The following TENM3 variants were observed in gnomAD, a reference collection of about 807,000 sequenced individuals.
TENM3 encodes the protein teneurin-3.
Under a neutral mutation model 255.1 loss-of-function variants are expected in TENM3, and 63 were observed. The observed-to-expected ratio is 0.25, with a 90% CI of 0.20 to 0.30. The LOEUF is 0.30. Among genes scored for constraint, TENM3 ranks in the 10% least tolerant of loss-of-function variants. The pLI is 1.00. For missense variants in TENM3, 2,929 were observed against 3,461.1 expected (o/e 0.85, Z 3.86); for synonymous variants, 1,306 against 1,322.3 (o/e 0.99, Z 0.27).
chr4:182,229,411 G>A (rs1462681802), intron 1 of TENM3, among the ~76,000 whole-genome samples: 1 of 152,094 alleles, frequency 6.6e-6, no homozygotes, highest in South Asian at 2.1e-4. Flanking sequence ...CTGTGGTCCC[G>A]AGTGGGGAAA....
chr4:181,487,843 G>A, the TENM3 span, among the ~76,000 whole-genome samples: 5 of 152,064 alleles, frequency 3.3e-5, no homozygotes, highest in African/African-American at 7.2e-5. Flanking sequence ...GAAGTATGGC[G>A]TCCAGGCTTC....
the TENM3 span, among the ~76,000 whole-genome samples, chr4:181,609,417 GCA>G: frequency 0.021 from 3,222 of 152,156 alleles, 38 homozygotes; most frequent in East Asian, 0.035. Flanking sequence ...AGAATATATT[GCA>G]GTTTTTTGCA....
At chr4:182,539,614 C>T (rs1035953066) in intron 3 of TENM3, among the ~76,000 whole-genome samples, 1 of 152,134 alleles carries the variant, frequency 6.6e-6, no homozygotes, top group East Asian at 1.9e-4. Flanking sequence ...CATCAACAAA[C>T]CATAAGGATC....
the TENM3 span, among the ~76,000 whole-genome samples, chr4:181,791,705 T>G: frequency 3.3e-5 from 5 of 152,176 alleles, no homozygotes; most frequent in Non-Finnish European, 7.4e-5. Flanking sequence ...TTTTACTAAT[T>G]AAGTCCTAAA....
intron 6 of TENM3, among the ~76,000 whole-genome samples, chr4:182,660,072 A>G (rs1754097968): frequency 1.4e-5 from 2 of 147,304 alleles, no homozygotes; most frequent in African/African-American, 4.9e-5. Context: ...GCAAATATAC[A>G]AAGGTGTAAA....
the TENM3 span, among the ~76,000 whole-genome samples, chr4:182,135,196 C>G: frequency 9.8e-6 from 1 of 101,802 alleles, no homozygotes; most frequent in African/African-American, 4.1e-5. Flanking sequence ...CAGGGTGAGA[C>G]TCGGTCTCAA....
At chr4:181,770,674 C>CAAAAAAA in the TENM3 span, among the ~76,000 whole-genome samples, 1 of 76,620 alleles carries the variant, frequency 1.3e-5, no homozygotes, top group Non-Finnish European at 2.4e-5. Context: ...GACTCTGTCT[C>CAAAAAAA]AAAAAAAAAA....
At chr4:181,726,055 T>C in the TENM3 span, among the ~76,000 whole-genome samples, 3 of 151,976 alleles carry the variant, frequency 2.0e-5, no homozygotes, top group African/African-American at 7.3e-5. Context: ...GAGAGAGAAT[T>C]TGATTTTTTT....
intron 5 of TENM3, among the ~76,000 whole-genome samples, chr4:182,646,458 C>T (rs900085347): frequency 2.6e-5 from 4 of 152,038 alleles, no homozygotes; most frequent in African/African-American, 4.8e-5. Flanking sequence ...TTAAGAGATA[C>T]CAGCTGGGGA....
chr4:181,793,363 C>CT, the TENM3 span, among the ~76,000 whole-genome samples: 4 of 152,318 alleles, frequency 2.6e-5, no homozygotes, highest in African/African-American at 9.6e-5. Flanking sequence ...CACAAACTCG[C>CT]TGAGCCCACA....
the TENM3 span, among the ~76,000 whole-genome samples, chr4:181,495,913 A>AAAAAAAAAAAAAAAAAAAAC: frequency 6.6e-6 from 1 of 151,152 alleles, no homozygotes. Flanking sequence ...AAAAAAAAAA[A>AAAAAAAAAAAAAAAAAAAAC]AAAAAAAAAG....
chr4:182,479,944 G>A (rs1420057696), intron 3 of TENM3, among the ~76,000 whole-genome samples: 3 of 151,870 alleles, frequency 2.0e-5, no homozygotes, highest in Non-Finnish European at 1.5e-5. Flanking sequence ...TTGCCTGCAC[G>A]TTTAGAAAAT....
chr4:181,757,165 T>C, the TENM3 span, among the ~76,000 whole-genome samples: 1 of 152,210 alleles, frequency 6.6e-6, no homozygotes. Flanking sequence ...AAAATTACTT[T>C]ACACCCATGT....
chr4:182,537,684 AG>A (rs1740475389), intron 3 of TENM3, among the ~76,000 whole-genome samples: 1 of 152,166 alleles, frequency 6.6e-6, no homozygotes, highest in African/African-American at 2.4e-5. Context: ...CATTGCCTCT[AG>A]TAATTCTACA....
At chr4:182,665,006 A>C (rs2152537432) in intron 6 of TENM3, among the ~76,000 whole-genome samples, 1 of 152,342 alleles carries the variant, frequency 6.6e-6, no homozygotes, top group South Asian at 2.1e-4. Context: ...ATCACTGATG[A>C]ATGTAGCTAC....
At chr4:182,309,337 T>C (rs998325973) in intron 1 of TENM3, among the ~76,000 whole-genome samples, 5 of 152,194 alleles carry the variant, frequency 3.3e-5, no homozygotes, top group African/African-American at 1.2e-4. Context: ...TGGTGGGCAG[T>C]AGACAGTGTA....
the TENM3 span, among the ~76,000 whole-genome samples, chr4:182,092,467 A>G: frequency 2.0e-5 from 3 of 152,088 alleles, no homozygotes. Flanking sequence ...GAGCAACATA[A>G]CAAGACCCCA....
the TENM3 span, among the ~76,000 whole-genome samples, chr4:182,016,246 G>A: frequency 6.6e-6 from 1 of 152,090 alleles, no homozygotes; most frequent in Admixed American, 6.5e-5. Flanking sequence ...TCAAAATGTT[G>A]GTGCTACCGT....
intron 4 of TENM3, among the ~76,000 whole-genome samples, chr4:182,619,781 C>T (rs2152449539): frequency 6.6e-6 from 1 of 152,310 alleles, no homozygotes; most frequent in East Asian, 1.9e-4. Context: ...AGTCTCTCTT[C>T]AAGTGTGTCT....
Sources: allele counts gnomAD v4.1 joint callset (sites outside exome capture counted in the v4.1 genomes callset), GRCh38; gene constraint gnomAD v4.1.1; transcripts MANE v1.5; gene names NCBI Gene and HGNC (gene_info 2026-07-23, HGNC 2026-07-21).